The following CNTNAP2 variants were observed in gnomAD, a reference collection of about 807,000 sequenced individuals.
CNTNAP2 encodes the protein contactin-associated protein-like 2.
In CNTNAP2, 98 loss-of-function variants were observed where a neutral mutation model predicts 155.2. That is an observed-to-expected ratio of 0.63 (90% CI 0.54 to 0.75). The LOEUF (loss-of-function observed/expected upper bound fraction) is 0.75, where lower values mean the gene tolerates loss of function less well. Among genes scored for constraint, CNTNAP2 ranks in the 30% least tolerant of loss-of-function variants. The pLI, the probability that CNTNAP2 is intolerant of heterozygous loss-of-function variation, is 0.00. For synonymous variants in CNTNAP2, 651 were observed against 631.2 expected (o/e 1.03, Z -0.47); for missense variants, 1,727 against 1,688.1 (o/e 1.02, Z -0.40).
intron 3 of CNTNAP2, among the ~76,000 whole-genome samples, chr7:146,860,896 TTGTC>T (rs1326347255): frequency 1.3e-5 from 2 of 152,148 alleles, no homozygotes; most frequent in African/African-American, 2.4e-5. Context: ...GTCTATTTGT[TTGTC>T]TGCTTTTGTA....
intron 13 of CNTNAP2, among the ~76,000 whole-genome samples, chr7:147,696,948 T>C (rs1796169526): frequency 6.6e-6 from 1 of 152,220 alleles, no homozygotes; most frequent in Admixed American, 6.5e-5. Flanking sequence ...TTAATGAGGT[T>C]TGAATATGAT....
rs117796789 is a variant in CNTNAP2 at position 147,618,914 on chromosome 7, G to A, written c.1898-20192G>A. ...TGAGAATATGGGGTCAGTAGTGGAG[G>A]CAGCAGAGGGATTTTTCTAATGTGC... On this transcript the variant is annotated intron_variant, in intron 12 of 23. Coordinates refer to ENST00000361727, the MANE Select transcript of CNTNAP2 (RefSeq NM_014141.6). Among the ~76,000 whole-genome samples, 359 of 152,220 alleles carry A rather than the reference G, an allele frequency of 2.4e-3. 2 individuals carry two copies. The highest frequency in any genetic ancestry group is 0.01 in the Middle Eastern group (3 of 294).
chr7:147,640,344 C>T (rs2116926147), intron 13 of CNTNAP2, among the ~76,000 whole-genome samples: 1 of 152,226 alleles, frequency 6.6e-6, no homozygotes, highest in South Asian at 2.1e-4. Context: ...GATATTAAGC[C>T]TCAGTTTCCA....
chr7:147,073,262 A>C (rs1231776000), intron 4 of CNTNAP2, among the ~76,000 whole-genome samples: 1 of 150,986 alleles, frequency 6.6e-6, no homozygotes, highest in East Asian at 1.9e-4. Flanking sequence ...CTTTGCAGGG[A>C]CACGGATGAA....
intron 1 of CNTNAP2, among the ~76,000 whole-genome samples, chr7:146,225,684 C>T (rs1277958482): frequency 6.6e-6 from 1 of 152,142 alleles, no homozygotes. Context: ...GTGTTATCTA[C>T]CCTGTTATTG....
At chr7:147,382,028 AAATT>A (rs1796545971) in intron 9 of CNTNAP2, among the ~76,000 whole-genome samples, 1 of 152,144 alleles carries the variant, frequency 6.6e-6, no homozygotes. Flanking sequence ...AAATTATACC[AAATT>A]AATTTTCATT....
chr7:146,477,550 A>G (rs2129127836), intron 1 of CNTNAP2, among the ~76,000 whole-genome samples: 1 of 149,724 alleles, frequency 6.7e-6, no homozygotes, highest in South Asian at 2.1e-4. Context: ...AACCATTTTT[A>G]ATTTAACTAT....
intron 15 of CNTNAP2, among the ~76,000 whole-genome samples, chr7:148,027,343 T>C (rs1802393716): frequency 6.6e-6 from 1 of 152,224 alleles, no homozygotes; most frequent in Non-Finnish European, 1.5e-5. Context: ...CTTTTAGGCT[T>C]CTCCTGCTGT....
At chr7:148,253,020 A>AGAT (rs1438618994) in intron 20 of CNTNAP2, among the ~76,000 whole-genome samples, 1 of 137,070 alleles carries the variant, frequency 7.3e-6, no homozygotes, top group Non-Finnish European at 1.6e-5. Context: ...ATAGATAGAT[A>AGAT]GATAGATAGA....
intron 14 of CNTNAP2, among the ~76,000 whole-genome samples, chr7:147,940,893 A>G (rs1800709075): frequency 6.6e-6 from 1 of 152,260 alleles, no homozygotes; most frequent in Admixed American, 6.5e-5. Flanking sequence ...ATTTAACTGT[A>G]AGTCCAAACA....
chr7:146,293,146 A>G (rs1238271847), intron 1 of CNTNAP2, among the ~76,000 whole-genome samples: 1 of 152,186 alleles, frequency 6.6e-6, no homozygotes, highest in Non-Finnish European at 1.5e-5. Context: ...CAATTAAAAA[A>G]TAAATGAAAT....
At position 148,305,222 on chromosome 7, in the gene CNTNAP2, CAAAAAAAAA is replaced by C. The variant is rs34005083; in HGVS notation, c.3475+38118_3475+38126del. On this transcript the variant is annotated intron_variant, in intron 21 of 23. Transcript: ENST00000361727. ...TGGGTGAAAGACCAAGGCCCTGTCT[CAAAAAAAAA>C]AAAAAAAAAAAAAAAAAAAAAGTTT... Among the ~76,000 whole-genome samples, 124 of 51,944 alleles carry C rather than the reference CAAAAAAAAA, an allele frequency of 2.4e-3. 5 individuals carry two copies. Among genetic ancestry groups the C allele is most frequent in the Admixed American group, 0.019 (98 of 5,028 alleles). 34.1% of individuals were successfully genotyped at this position (51,944 alleles called of 152,430 possible). A position where few individuals can be genotyped will look rare whatever the true frequency, so the allele number is the denominator to read the frequency against.
chr7:147,052,560 T>C (rs1281734368), intron 4 of CNTNAP2, among the ~76,000 whole-genome samples: 1 of 152,082 alleles, frequency 6.6e-6, no homozygotes, highest in Non-Finnish European at 1.5e-5. Context: ...ATAATAGATG[T>C]TCAAACAGAG....
chr7:146,722,709 A>C (rs1801358845), intron 1 of CNTNAP2, among the ~76,000 whole-genome samples: 1 of 150,266 alleles, frequency 6.7e-6, no homozygotes, highest in South Asian at 2.1e-4. Flanking sequence ...ACACACACAC[A>C]AAATATATAT....
intron 1 of CNTNAP2, among the ~76,000 whole-genome samples, chr7:146,662,905 T>C (rs1239792851): frequency 6.6e-6 from 1 of 152,240 alleles, no homozygotes. Flanking sequence ...CCAGACACTC[T>C]AGTCTATTAT....
chr7:146,382,441 TA>T (rs2129105166), intron 1 of CNTNAP2, among the ~76,000 whole-genome samples: 2 of 152,332 alleles, frequency 1.3e-5, no homozygotes, highest in Admixed American at 1.3e-4. Flanking sequence ...TAATTTTTGA[TA>T]GAGAAGTTTG....
chr7:146,601,745 G>A (rs1195566007), intron 1 of CNTNAP2, among the ~76,000 whole-genome samples: 1 of 151,864 alleles, frequency 6.6e-6, no homozygotes, highest in East Asian at 1.9e-4. Context: ...GTATGATACT[G>A]GTTCAAAGAA....
Position 148,076,422 on chromosome 7 carries a change from C to CTTTTTTTTTTTTTTTTTTT in CNTNAP2, c.2384-41683_2384-41665dup, listed in dbSNP as rs771048326. Among the ~76,000 whole-genome samples, 3 of 49,802 alleles carry CTTTTTTTTTTTTTTTTTTT rather than the reference C, an allele frequency of 6.0e-5. 1 individual carries two copies. Among genetic ancestry groups the CTTTTTTTTTTTTTTTTTTT allele is most frequent in the Non-Finnish European group, 1.0e-4 (3 of 29,144 alleles). 32.7% of individuals were successfully genotyped at this position (49,802 alleles called of 152,430 possible). On this transcript the variant is annotated intron_variant, in intron 15 of 23. Transcript: ENST00000361727. Reference sequence around the variant, plus strand: ...TGTAGACCTATGATAGCTCTGACTTCTTTTTTTTTTTTTTTTTTTTTTTTT... The same window carrying CTTTTTTTTTTTTTTTTTTT: ...TGTAGACCTATGATAGCTCTGACTTCTTTTTTTTTTTTTTTTTTTTTTTTTTTTTTTTTTTTTTTTTTTT...
At chr7:147,631,748 C>G (rs557836709) in intron 12 of CNTNAP2, among the ~76,000 whole-genome samples, 27 of 152,196 alleles carry the variant, frequency 1.8e-4, no homozygotes, top group African/African-American at 6.3e-4. Flanking sequence ...CCCTATTCAA[C>G]AAATGGTGCT....
Sources: allele counts gnomAD v4.1 joint callset (sites outside exome capture counted in the v4.1 genomes callset), GRCh38; gene constraint gnomAD v4.1.1; transcripts MANE v1.5; gene names NCBI Gene and HGNC (gene_info 2026-07-23, HGNC 2026-07-21).